The following AGBL4 variants were observed in gnomAD, a reference collection of about 807,000 sequenced individuals.
AGBL4 encodes the protein AGBL carboxypeptidase 4, also known as cytosolic carboxypeptidase 6.
Under a neutral mutation model 66.4 loss-of-function variants are expected in AGBL4, and 58 were observed. The ratio of observed to expected loss-of-function variants is 0.87; its 90% confidence interval spans 0.71 to 1.09. The LOEUF is 1.09. Ranked by LOEUF, AGBL4 falls within the 50% of genes least tolerant of loss-of-function variation. The probability of loss-of-function intolerance (pLI) is 0.00; values close to 1 mark genes in which losing one functional copy is unlikely to be tolerated. For synonymous variants in AGBL4, 234 were observed against 222.9 expected (o/e 1.05, Z -0.44); for missense variants, 579 against 631.0 (o/e 0.92, Z 0.88).
chr1:49,306,285 G>A lies in AGBL4; in HGVS notation c.283-60421C>T, dbSNP rs191865048. On this transcript the variant is annotated intron_variant, in intron 3 of 13. Coordinates refer to ENST00000371839, the MANE Select transcript of AGBL4 (RefSeq NM_032785.4). ...TTATGATAAAAGCTTAGGGATTATT[G>A]GTTTGCAAAGAAAATAAATCTACTT... Among the ~76,000 whole-genome samples the A allele has an allele frequency of 3.4e-3, 512 of 152,134 alleles. 5 individuals are homozygous for A. The highest frequency in any genetic ancestry group is 0.012 in the African/African-American group (496 of 41,492).
In AGBL4 at chr1:49,919,765, G is replaced by C. The variant is rs893882035; in HGVS notation, c.35-68247C>G. ...TTAAAGTTCATATGGAACCAAAAAA[G>C]AGCCCGCATTGCCAAGACAATCCTA... On this transcript the variant is annotated intron_variant, in intron 1 of 13. Transcript: ENST00000371839. 1.3e-5 allele frequency among the ~76,000 whole-genome samples: 2 copies of C among 152,140 alleles called. 1 individual carries two copies. Among genetic ancestry groups the C allele is most frequent in the Non-Finnish European group, 2.9e-5 (2 of 67,994 alleles).
chr1:49,263,742 A>C (rs1653460964), intron 3 of AGBL4, among the ~76,000 whole-genome samples: 1 of 152,174 alleles, frequency 6.6e-6, no homozygotes, highest in African/African-American at 2.4e-5. Flanking sequence ...ACTTGACAAT[A>C]AAGATGTTTA....
chr1:49,961,339 T>A (rs1440973359), intron 1 of AGBL4, among the ~76,000 whole-genome samples: 1 of 151,976 alleles, frequency 6.6e-6, no homozygotes, highest in East Asian at 1.9e-4. Flanking sequence ...TGAGACACCA[T>A]CTCTACAAAA....
intron 3 of AGBL4, among the ~76,000 whole-genome samples, chr1:49,517,543 T>A (rs1186516341): frequency 1.3e-5 from 2 of 151,924 alleles, no homozygotes; most frequent in Non-Finnish European, 2.9e-5. Flanking sequence ...ATTTATTCAA[T>A]AAACATTTGT....
chr1:48,933,227 TAC>T (rs1265005007), intron 5 of AGBL4, among the ~76,000 whole-genome samples: 1 of 152,236 alleles, frequency 6.6e-6, no homozygotes, highest in African/African-American at 2.4e-5. Flanking sequence ...TTTGTATATA[TAC>T]ACATATATAT....
At position 48,830,310 on chromosome 1, in the gene AGBL4, G is replaced by A. The variant is rs911114602; in HGVS notation, c.634+36881C>T. Among the ~76,000 whole-genome samples the A allele has an allele frequency of 1.3e-5, 2 of 152,334 alleles. 1 individual carries two copies. Among genetic ancestry groups the A allele is most frequent in the South Asian group, 4.1e-4 (2 of 4,824 alleles). On this transcript the variant is annotated intron_variant, in intron 6 of 13. Coordinates refer to ENST00000371839, the MANE Select transcript of AGBL4 (RefSeq NM_032785.4). ...ACATGCCATTCTTCTCCACAGCCCT[G>A]TGAAATAGGCATTGCAACTCTACTT...
At chr1:49,414,406 A>G (rs1645383126) in intron 3 of AGBL4, among the ~76,000 whole-genome samples, 1 of 152,116 alleles carries the variant, frequency 6.6e-6, no homozygotes, top group African/African-American at 2.4e-5. Flanking sequence ...AATGGACCAT[A>G]CTCTAGTTTG....
chr1:49,019,793 A>G (rs539673934), intron 5 of AGBL4, among the ~76,000 whole-genome samples: 2 of 152,322 alleles, frequency 1.3e-5, no homozygotes, highest in South Asian at 4.1e-4. Context: ...TTTTGAGACA[A>G]ATTTATTAGG....
intron 3 of AGBL4, among the ~76,000 whole-genome samples, chr1:49,387,664 T>C (rs968625740): frequency 6.6e-6 from 1 of 152,054 alleles, no homozygotes; most frequent in Non-Finnish European, 1.5e-5. Context: ...GTCTCTTAGT[T>C]TTTGCTATTA....
At chr1:49,122,244 G>A (rs1645671368) in intron 4 of AGBL4, among the ~76,000 whole-genome samples, 1 of 152,214 alleles carries the variant, frequency 6.6e-6, no homozygotes, top group Non-Finnish European at 1.5e-5. Context: ...CCAATGAGAT[G>A]AACCAGGTAC....
chr1:48,787,048 AT>A (rs1429863490), intron 6 of AGBL4, among the ~76,000 whole-genome samples: 1 of 152,144 alleles, frequency 6.6e-6, no homozygotes, highest in Non-Finnish European at 1.5e-5. Flanking sequence ...TATTAGCCTC[AT>A]TTTAAAGGTG....
intron 3 of AGBL4, among the ~76,000 whole-genome samples, chr1:49,355,320 C>T (rs139398660): frequency 1.3e-5 from 2 of 152,226 alleles, no homozygotes; most frequent in East Asian, 1.9e-4. Context: ...TTTACCAAGA[C>T]GTTTACCAAG....
chr1:49,249,633 A>G (rs1651896164), intron 3 of AGBL4, among the ~76,000 whole-genome samples: 1 of 152,242 alleles, frequency 6.6e-6, no homozygotes, highest in Non-Finnish European at 1.5e-5. Context: ...AATGGAAAGT[A>G]GTACAGGCAT....
chr1:49,860,572 G>A (rs2148082651), intron 1 of AGBL4, among the ~76,000 whole-genome samples: 1 of 152,224 alleles, frequency 6.6e-6, no homozygotes, highest in East Asian at 1.9e-4. Context: ...GGTGGCACAT[G>A]CCACTAGTCC....
At chr1:49,772,420 C>T (rs6588358) in intron 2 of AGBL4, among the ~76,000 whole-genome samples, 104,165 of 151,966 alleles carry the variant, frequency 0.69, 36,455 homozygotes, top group African/African-American at 0.78. Flanking sequence ...ACCATTACAA[C>T]ACTTAGGGTA....
chr1:49,084,375 G>A (rs1444720233), intron 4 of AGBL4, among the ~76,000 whole-genome samples: 2 of 152,242 alleles, frequency 1.3e-5, no homozygotes, highest in African/African-American at 4.8e-5. Flanking sequence ...ATAAAGGAAA[G>A]AGGTTTAAAT....
chr1:49,643,053 T>A (rs1382866940), intron 3 of AGBL4, among the ~76,000 whole-genome samples: 5 of 151,918 alleles, frequency 3.3e-5, no homozygotes, highest in African/African-American at 1.2e-4. Context: ...AGTTAACTCT[T>A]CCTCATATGC....
At chr1:48,767,856 T>C (rs985017439) in intron 6 of AGBL4, among the ~76,000 whole-genome samples, 6 of 152,218 alleles carry the variant, frequency 3.9e-5, no homozygotes, top group African/African-American at 1.2e-4. Flanking sequence ...ATCCTTTTCC[T>C]CCTCCTTTCT....
intron 8 of AGBL4, among the ~76,000 whole-genome samples, chr1:48,645,752 A>T (rs773323120): frequency 6.6e-6 from 1 of 152,212 alleles, no homozygotes; most frequent in South Asian, 2.1e-4. Context: ...GGCTCAGTAG[A>T]TGTTAGCCAT....
Sources: gnomAD v4.1 joint callset for allele counts (sites outside exome capture counted in the v4.1 genomes callset) on GRCh38, gnomAD v4.1.1 for gene constraint, MANE v1.5 for transcripts, NCBI Gene and HGNC (gene_info 2026-07-23, HGNC 2026-07-21) for gene names.